The following DGKK variants were observed in gnomAD, a reference collection of about 807,000 sequenced individuals.
The protein encoded by DGKK is 142 kDa diacylglycerol kinase.
DGKK carries 35 observed loss-of-function variants against 92.2 expected under a neutral mutation model. That is an observed-to-expected ratio of 0.38 (90% CI 0.29 to 0.50). The LOEUF is 0.50. Ranked by LOEUF, DGKK falls within the 20% of genes least tolerant of loss-of-function variation. The probability of loss-of-function intolerance (pLI) is 0.92; values close to 1 mark genes in which losing one functional copy is unlikely to be tolerated. For missense variants in DGKK, 910 were observed against 992.2 expected (o/e 0.92, Z 1.11); for synonymous variants, 368 against 360.6 (o/e 1.02, Z -0.23).
intron 14 of DGKK, among the ~76,000 whole-genome samples, chrX:50,386,907 G>A (rs781899986): frequency 6.3e-5 from 7 of 111,563 alleles, no homozygotes; most frequent in African/African-American, 2.3e-4. Context: ...CAAACTTGAG[G>A]AAAGACAAAT....
intron 27 of DGKK, 148 bp downstream of exon 27, chrX:50,370,278 G>T: frequency 1.5e-6 from 1 of 658,648 alleles, no homozygotes; most frequent in Non-Finnish European, 2.2e-6. Context: ...ATATGGCTTG[G>T]TATCACTTAC....
At chrX:50,425,170 T>G (rs983426570) in intron 1 of DGKK, among the ~76,000 whole-genome samples, 1 of 111,684 alleles carries the variant, frequency 9.0e-6, no homozygotes, top group African/African-American at 3.3e-5. Context: ...AGGGCCAGAC[T>G]GAGTTTAAAA....
intron 4 of DGKK, among the ~76,000 whole-genome samples, chrX:50,419,093 G>C (rs1250518036): frequency 9.0e-6 from 1 of 111,379 alleles, no homozygotes; most frequent in Non-Finnish European, 1.9e-5. Flanking sequence ...GGGGCAAAAA[G>C]GGGATGTGCT....
chrX:50,425,560 C>CACAT (rs111372094), intron 1 of DGKK, among the ~76,000 whole-genome samples: 4,041 of 110,457 alleles, frequency 0.037, 182 homozygotes, highest in African/African-American at 0.13. Context: ...CACACACACA[C>CACAT]GTACTCATAC....
chrX:50,458,871 A>G (rs1488748987), intron 1 of DGKK, among the ~76,000 whole-genome samples: 3 of 111,774 alleles, frequency 2.7e-5, no homozygotes, highest in East Asian at 5.6e-4. Flanking sequence ...CAATTCAAGT[A>G]TAACTTCACT....
rs1557224713 is a variant in DGKK at position 50,384,231 on chromosome X, G to A, written c.2486C>T (p.Ser829Phe). 1 of 1,178,573 alleles carries A rather than the reference G, an allele frequency of 8.5e-7. No homozygotes were observed. The highest frequency in any genetic ancestry group is 1.1e-6 in the Non-Finnish European group (1 of 876,377). Residue 829 changes from serine to phenylalanine, a missense_variant, in exon 17 of 28, where the codon TCT becomes TTT. Transcript: ENST00000611977. ...SRRGTLSSIS[S>F]LKSEDLDNLN... Reference sequence around the variant, plus strand: ...GTTGTCCAGGTCCTCACTTTTGAGAGAAGATATAGAAGACAAAGTGCCACG... The same window carrying A: ...GTTGTCCAGGTCCTCACTTTTGAGAAAAGATATAGAAGACAAAGTGCCACG...
intron 1 of DGKK, among the ~76,000 whole-genome samples, chrX:50,447,396 T>A (rs77748235): frequency 4.7e-4 from 6 of 12,669 alleles, no homozygotes; most frequent in South Asian, 2.8e-3. Flanking sequence ...ATATATATAT[T>A]ATATATATAT....
Position 50,380,068 on chromosome X carries a change from A to G in DGKK, c.2667T>C (p.Leu889=). Residue 889 remains leucine, a synonymous_variant, in exon 19 of 28, where the codon CTT becomes CTC. Coordinates refer to ENST00000611977, the MANE Select transcript of DGKK (RefSeq NM_001013742.4). Reference sequence around the variant, plus strand: ...GAAGGCCATACCACATCTTGTTCTTAAGGCGGCTACTACATGGAGGTAAGC... The same window carrying G: ...GAAGGCCATACCACATCTTGTTCTTGAGGCGGCTACTACATGGAGGTAAGC... ...DEHPGQYNSR[L]KNKMWYGLLG... 1 of 1,208,627 alleles carries G rather than the reference A, an allele frequency of 8.3e-7. No individual in the cohort carries two copies. Among genetic ancestry groups the G allele is most frequent in the Admixed American group, 2.2e-5 (1 of 46,067 alleles).
At chrX:50,432,438 T>C (rs1472688652) in intron 1 of DGKK, among the ~76,000 whole-genome samples, 1 of 112,690 alleles carries the variant, frequency 8.9e-6, no homozygotes, top group Non-Finnish European at 1.9e-5. Context: ...TTCCTGTAAA[T>C]CGTAGCATTC....
chrX:50,420,089 G>A (rs781812161), intron 4 of DGKK, among the ~76,000 whole-genome samples: 3 of 111,379 alleles, frequency 2.7e-5, no homozygotes, highest in African/African-American at 6.5e-5. Context: ...TGCTGATTCC[G>A]GTTTTCCTAA....
chrX:50,470,641 G>A lies in DGKK; in HGVS notation c.38C>T (p.Pro13Leu), dbSNP rs1557234549. ...AGCGGGCTGCTCTCCATCCTGAGGC[G>A]GGGCAGTGCCCTGGGCTGCGGCAGC... ...RGAAAAQGTA[P>L]PQDGEQPAES... The change falls in exon 1 of 28, where the codon CCG becomes CTG. Residue 13 changes from proline (P) to leucine (L), a missense_variant. By Grantham distance (98) the Pro-to-Leu change is moderately conservative (BLOSUM62 -3). Transcript: ENST00000611977. 5.2e-6 allele frequency: 6 copies of A among 1,143,199 alleles called. No homozygotes were observed. The highest frequency in any genetic ancestry group is 6.9e-6 in the Non-Finnish European group (6 of 867,873). The allele number at this position is 1,143,199 out of a possible 1,213,427, so 94.2% of individuals were successfully genotyped here.
At chrX:50,444,496 A>G (rs1397739278) in intron 1 of DGKK, among the ~76,000 whole-genome samples, 2 of 110,701 alleles carry the variant, frequency 1.8e-5, no homozygotes, top group Admixed American at 9.6e-5. Context: ...CTTTTTGTCC[A>G]TGAGTTCTCA....
At chrX:50,390,939 T>C (rs1339218637) in intron 11 of DGKK, among the ~76,000 whole-genome samples, 1 of 111,657 alleles carries the variant, frequency 9.0e-6, no homozygotes, top group African/African-American at 3.3e-5. Context: ...CTCCATCCCT[T>C]TTTTAGTTTC....
intron 1 of DGKK, among the ~76,000 whole-genome samples, chrX:50,456,099 A>G (rs781956802): frequency 1.8e-5 from 2 of 111,853 alleles, no homozygotes; most frequent in Non-Finnish European, 3.8e-5. Flanking sequence ...CTCATTTAAA[A>G]GGAAAAGTTG....
chrX:50,381,093 A>G (rs1339158445), intron 18 of DGKK, among the ~76,000 whole-genome samples: 1 of 111,995 alleles, frequency 8.9e-6, no homozygotes, highest in Non-Finnish European at 1.9e-5. Flanking sequence ...GAGTCCAGAA[A>G]TAAACCCTTG....
intron 4 of DGKK, among the ~76,000 whole-genome samples, chrX:50,406,253 A>G (rs1557227269): frequency 8.9e-6 from 1 of 112,005 alleles, no homozygotes; most frequent in African/African-American, 3.3e-5. Flanking sequence ...AATGGACATT[A>G]CTTAGGTTCA....
intron 4 of DGKK, among the ~76,000 whole-genome samples, chrX:50,418,372 T>A (rs988741416): frequency 1.8e-5 from 2 of 111,674 alleles, no homozygotes; most frequent in African/African-American, 6.5e-5. Context: ...TTTCTACTCT[T>A]TATGAAACAG....
chrX:50,439,846 G>A (rs782691284), intron 1 of DGKK, among the ~76,000 whole-genome samples: 2 of 110,813 alleles, frequency 1.8e-5, no homozygotes, highest in South Asian at 7.6e-4. Context: ...ATAGTGCTAG[G>A]ACTCATGAGG....
intron 2 of DGKK, 26 bp from the exon 3 acceptor site, chrX:50,422,552 A>G (rs1341171584): frequency 4.4e-6 from 5 of 1,137,594 alleles, no homozygotes; most frequent in Non-Finnish European, 6.0e-6. Context: ...ACAGAGAGGG[A>G]CAAGGAACCG....
Sources: gnomAD v4.1 joint callset for allele counts (sites outside exome capture counted in the v4.1 genomes callset) on GRCh38, gnomAD v4.1.1 for gene constraint, MANE v1.5 for transcripts, NCBI Gene and HGNC (gene_info 2026-07-23, HGNC 2026-07-21) for gene names.